The following GNAL variants were observed in gnomAD, a reference collection of about 807,000 sequenced individuals.
GNAL encodes the protein guanine nucleotide-binding protein G(olf) subunit alpha.
In GNAL, 18 loss-of-function variants were observed where a neutral mutation model predicts 55.1. That is an observed-to-expected ratio of 0.33 (90% CI 0.23 to 0.48). The LOEUF (loss-of-function observed/expected upper bound fraction) is 0.48, where lower values mean the gene tolerates loss of function less well. Ranked by LOEUF, GNAL falls within the 20% of genes least tolerant of loss-of-function variation. The probability of loss-of-function intolerance (pLI) is 0.99; values close to 1 mark genes in which losing one functional copy is unlikely to be tolerated. For missense variants in GNAL, 412 were observed against 614.1 expected (o/e 0.67, Z 3.48); for synonymous variants, 253 against 237.0 (o/e 1.07, Z -0.62).
At chr18:11,724,270 C>T (rs1381805081) in intron 1 of GNAL, among the ~76,000 whole-genome samples, 1 of 152,270 alleles carries the variant, frequency 6.6e-6, no homozygotes, top group Admixed American at 6.5e-5. Context: ...ACGGGGGCAG[C>T]GTTTTCAGGC....
chr18:11,789,252 T>C (rs2034162738), intron 4 of GNAL, among the ~76,000 whole-genome samples: 1 of 152,102 alleles, frequency 6.6e-6, no homozygotes, highest in Non-Finnish European at 1.5e-5. Flanking sequence ...CAGGCAAAAT[T>C]GTGGAGTCTG....
At chr18:11,803,121 C>T (rs2034562797) in intron 4 of GNAL, among the ~76,000 whole-genome samples, 1 of 152,162 alleles carries the variant, frequency 6.6e-6, no homozygotes. Context: ...TTATTCAGTG[C>T]ACCTTCTGTG....
chr18:11,853,237 C>G (rs902139722), intron 5 of GNAL: 2 of 167,064 alleles, frequency 1.2e-5, no homozygotes, highest in Non-Finnish European at 2.9e-5. Context: ...TGTATACATC[C>G]AGCCAGCTGG....
intron 7 of GNAL, among the ~76,000 whole-genome samples, chr18:11,865,812 AC>A (rs1231581685): frequency 6.8e-6 from 1 of 146,962 alleles, no homozygotes; most frequent in East Asian, 2.0e-4. Flanking sequence ...GCCCATGGTG[AC>A]CCCTTAGAAT....
intron 1 of GNAL, among the ~76,000 whole-genome samples, chr18:11,748,927 C>G (rs1478749456): frequency 6.6e-6 from 1 of 152,010 alleles, no homozygotes; most frequent in Non-Finnish European, 1.5e-5. Context: ...GAGTTTGAGA[C>G]CAGTCTGGCC....
chr18:11,730,192 C>T (rs1402156421), intron 1 of GNAL, among the ~76,000 whole-genome samples: 1 of 151,000 alleles, frequency 6.6e-6, no homozygotes, highest in African/African-American at 2.4e-5. Context: ...CAGAGTATCC[C>T]TCTGTCACCC....
intron 4 of GNAL, among the ~76,000 whole-genome samples, chr18:11,759,643 G>T (rs1192684574): frequency 6.6e-6 from 1 of 152,378 alleles, no homozygotes; most frequent in African/African-American, 2.4e-5. Flanking sequence ...AGACGGCCTG[G>T]TGTGACTCTG....
At chr18:11,844,191 TGA>T (rs1448773850) in intron 5 of GNAL, among the ~76,000 whole-genome samples, 1 of 152,156 alleles carries the variant, frequency 6.6e-6, no homozygotes, top group East Asian at 1.9e-4. Context: ...CCCAGCACTT[TGA>T]GAGGCCGAGG....
intron 2 of GNAL, chr18:11,753,416 T>G (rs952911319): frequency 7.8e-5 from 40 of 513,540 alleles, no homozygotes; most frequent in African/African-American, 7.2e-4. Context: ...TAAAAAAATG[T>G]GTGCATTCAA....
At position 11,718,604 on chromosome 18, in the gene GNAL, A is replaced by T. The variant is rs1244194769; in HGVS notation, c.376+28665A>T. On this transcript the variant is annotated intron_variant, in intron 1 of 11. Coordinates refer to ENST00000334049, the MANE Select transcript of GNAL (RefSeq NM_182978.4). ...AAATCAAAGCTGTACATGAAAATGG[A>T]TTTTCCCCTGCTCTATCTACTTTGA... Among the ~76,000 whole-genome samples the T allele has an allele frequency of 8.1e-4, 124 of 152,188 alleles. 1 individual carries two copies. The highest frequency in any genetic ancestry group is 8.1e-3 in the Admixed American group (124 of 15,276).
At chr18:11,786,343 A>C (rs1012991766) in intron 4 of GNAL, among the ~76,000 whole-genome samples, 13 of 147,544 alleles carry the variant, frequency 8.8e-5, no homozygotes, top group African/African-American at 3.3e-4. Flanking sequence ...AAATCAATTC[A>C]TTTTAGAGGG....
At position 11,710,537 on chromosome 18, in the gene GNAL, T is replaced by C. The variant is rs1050636105; in HGVS notation, c.376+20598T>C. Among the ~76,000 whole-genome samples, 6 of 152,226 alleles carry C rather than the reference T, an allele frequency of 3.9e-5. No homozygotes were observed. The East Asian group carries it at 1.2e-3, about 29-fold the overall frequency. The stretch of plus-strand genomic sequence containing the variant: ...TTTCTTGTTGCTGTTTAGTATGCTT[T>C]CATTTCAACTTGAAAAACTCTCCTT... On this transcript the variant is annotated intron_variant, in intron 1 of 11. Transcript: ENST00000334049.
chr18:11,732,282 A>G (rs1396458758), intron 1 of GNAL, among the ~76,000 whole-genome samples: 1 of 152,212 alleles, frequency 6.6e-6, no homozygotes, highest in Non-Finnish European at 1.5e-5. Flanking sequence ...GCATCATTTT[A>G]CTTTCCCACC....
chr18:11,766,994 T>G (rs1470444546), intron 4 of GNAL, among the ~76,000 whole-genome samples: 2 of 152,230 alleles, frequency 1.3e-5, no homozygotes, highest in Admixed American at 1.3e-4. Context: ...AAGAGTTTCC[T>G]GTTCAATCTG....
At chr18:11,770,157 T>G (rs964984514) in intron 4 of GNAL, among the ~76,000 whole-genome samples, 1 of 152,156 alleles carries the variant, frequency 6.6e-6, no homozygotes, top group Non-Finnish European at 1.5e-5. Flanking sequence ...TAAAATAAAG[T>G]GAGTTGTACA....
intron 4 of GNAL, among the ~76,000 whole-genome samples, chr18:11,786,552 C>T (rs2034066904): frequency 7.1e-6 from 1 of 140,708 alleles, no homozygotes; most frequent in Non-Finnish European, 1.5e-5. Context: ...GGGTTTATGC[C>T]ATTCTCCTGC....
At chr18:11,788,936 T>TATATACAC (rs1219351502) in intron 4 of GNAL, among the ~76,000 whole-genome samples, 2 of 128,896 alleles carry the variant, frequency 1.6e-5, no homozygotes, top group Non-Finnish European at 3.2e-5. Flanking sequence ...TATATATATA[T>TATATACAC]ACACATATAT....
intron 1 of GNAL, among the ~76,000 whole-genome samples, chr18:11,707,645 G>A (rs1009388248): frequency 1.1e-4 from 17 of 152,204 alleles, no homozygotes; most frequent in African/African-American, 4.1e-4. Context: ...CAAGAAGTCA[G>A]CCTGTCCTTT....
At position 11,864,533 on chromosome 18, in the gene GNAL, G is replaced by C; in HGVS notation, c.778G>C (p.Asp260His). 6.5e-7 allele frequency: 1 copy of C among 1,534,670 alleles called. No homozygotes were observed. The highest frequency in any genetic ancestry group is 9.0e-7 in the Non-Finnish European group (1 of 1,107,624). Residue 260 changes from aspartate to histidine, a missense_variant and splice_region_variant, in exon 7 of 12, where the codon GAC (aspartate) becomes CAC (histidine). Around this residue, in one of 5 missense-constraint regions of GNAL, gnomAD observed 53 missense variants for 182.7 expected, o/e 0.29. Transcript: ENST00000334049. ...CTTGTTTCCCTCTTCTTGTTCCCAGGACCTCCTCAGATGCAGAGTTCTGAC... is the reference window on the plus strand; with the variant it reads ...CTTGTTTCCCTCTTCTTGTTCCCAGCACCTCCTCAGATGCAGAGTTCTGAC... ...SLVDYTPTDQDLLRCRVLTSG... is the reference protein window; with the variant it reads ...SLVDYTPTDQHLLRCRVLTSG...
Sources: gnomAD v4.1 joint callset for allele counts (sites outside exome capture counted in the v4.1 genomes callset) on GRCh38, gnomAD v4.1.1 for gene constraint, gnomAD v4.1.1 regional missense constraint, MANE v1.5 for transcripts, NCBI Gene and HGNC (gene_info 2026-07-23, HGNC 2026-07-21) for gene names.